The following DRC11 variants were observed in gnomAD, a reference collection of about 807,000 sequenced individuals.
DRC11 encodes the protein IQ and AAA domain-containing protein 1.
the DRC11 span, among the ~76,000 whole-genome samples, chr2:236,341,405 G>T: frequency 6.6e-6 from 1 of 152,244 alleles, no homozygotes; most frequent in Admixed American, 6.5e-5. Context: ...GGCGTCTGCA[G>T]GGGGCAGGGG....
At chr2:236,377,776 TA>T in the DRC11 span, among the ~76,000 whole-genome samples, 1 of 152,224 alleles carries the variant, frequency 6.6e-6, no homozygotes, top group African/African-American at 2.4e-5. This position sits in a 1 kb window ranked among gnomAD's most constrained non-coding sequence, Gnocchi z 4.9. Flanking sequence ...ACCACTTCTC[TA>T]AAAGGACCTT....
At chr2:236,388,479 C>T in the DRC11 span, among the ~76,000 whole-genome samples, 1 of 152,030 alleles carries the variant, frequency 6.6e-6, no homozygotes, top group South Asian at 2.1e-4. Flanking sequence ...CTGCACTCTT[C>T]ACGTAGTTCT....
At chr2:236,356,989 T>TA in the DRC11 span, among the ~76,000 whole-genome samples, 5 of 97,358 alleles carry the variant, frequency 5.1e-5, 1 homozygote, top group Admixed American at 4.5e-4. Flanking sequence ...ATATATTATA[T>TA]ATCTATATAT....
the DRC11 span, among the ~76,000 whole-genome samples, chr2:236,504,016 A>G: frequency 6.6e-6 from 1 of 152,182 alleles, no homozygotes. This position sits in a 1 kb window ranked among gnomAD's most constrained non-coding sequence, Gnocchi z 5.0. Flanking sequence ...GGTTTTCAGC[A>G]TAGTTGTGCA....
the DRC11 span, among the ~76,000 whole-genome samples, chr2:236,341,032 G>A: frequency 6.6e-6 from 1 of 152,132 alleles, no homozygotes; most frequent in Non-Finnish European, 1.5e-5. Context: ...CAAAACCGCC[G>A]CCCCTACCGC....
the DRC11 span, among the ~76,000 whole-genome samples, chr2:236,369,378 T>C: frequency 1.3e-5 from 2 of 152,110 alleles, no homozygotes; most frequent in Non-Finnish European, 2.9e-5. The surrounding 1 kb of genome is among the most constrained non-coding windows in gnomAD (Gnocchi z 4.5). Context: ...TGGGTATTGG[T>C]TGGGAGAATG....
At chr2:236,377,120 T>C in the DRC11 span, 15 of 1,608,606 alleles carry the variant, frequency 9.3e-6, no homozygotes, top group Non-Finnish European at 1.3e-5. This position sits in a 1 kb window ranked among gnomAD's most constrained non-coding sequence, Gnocchi z 4.9. Context: ...ATCAGAGAGG[T>C]TGACTTTCAG....
the DRC11 span, among the ~76,000 whole-genome samples, chr2:236,359,013 T>C: frequency 0.18 from 26,387 of 150,760 alleles, 2,495 homozygotes; most frequent in Non-Finnish European, 0.23. This position sits in a 1 kb window ranked among gnomAD's most constrained non-coding sequence, Gnocchi z 4.3. Context: ...CTTCTTCCTG[T>C]ATCCGCCTTG....
At chr2:236,398,532 C>T in the DRC11 span, among the ~76,000 whole-genome samples, 8 of 152,312 alleles carry the variant, frequency 5.3e-5, no homozygotes, top group Middle Eastern at 3.4e-3. The surrounding 1 kb of genome is among the most constrained non-coding windows in gnomAD (Gnocchi z 6.2). Context: ...ACTTCACATC[C>T]GGATTGCAAC....
chr2:236,340,648 G>A, the DRC11 span, among the ~76,000 whole-genome samples: 1 of 152,142 alleles, frequency 6.6e-6, no homozygotes, highest in Admixed American at 6.5e-5. Context: ...AATCCATGGG[G>A]GTAGAGACAC....
the DRC11 span, among the ~76,000 whole-genome samples, chr2:236,500,476 C>T: frequency 3.9e-5 from 6 of 152,198 alleles, no homozygotes; most frequent in Non-Finnish European, 7.3e-5. This position sits in a 1 kb window ranked among gnomAD's most constrained non-coding sequence, Gnocchi z 6.3. Context: ...CCCAACACCC[C>T]ACTGAGTCAG....
At chr2:236,501,370 T>C in the DRC11 span, among the ~76,000 whole-genome samples, 1 of 152,142 alleles carries the variant, frequency 6.6e-6, no homozygotes, top group Non-Finnish European at 1.5e-5. Context: ...CATTGACTCC[T>C]GGCAGAATTA....
chr2:236,484,898 G>A, the DRC11 span, among the ~76,000 whole-genome samples: 9 of 152,300 alleles, frequency 5.9e-5, no homozygotes, highest in East Asian at 3.9e-4. Flanking sequence ...CCCGACCTGC[G>A]TCGTGATCTG....
chr2:236,469,428 T>G, the DRC11 span, among the ~76,000 whole-genome samples: 1 of 152,106 alleles, frequency 6.6e-6, no homozygotes, highest in Non-Finnish European at 1.5e-5. The surrounding 1 kb of genome is among the most constrained non-coding windows in gnomAD (Gnocchi z 5.8). Context: ...CATCTGTTAT[T>G]TGAGGTAAGA....
At chr2:236,315,472 A>G in the DRC11 span, among the ~76,000 whole-genome samples, 1 of 152,218 alleles carries the variant, frequency 6.6e-6, no homozygotes, top group East Asian at 1.9e-4. The surrounding 1 kb of genome is among the most constrained non-coding windows in gnomAD (Gnocchi z 5.1). Flanking sequence ...AGAACTGGAA[A>G]TACCATTTGA....
the DRC11 span, among the ~76,000 whole-genome samples, chr2:236,467,223 C>T: frequency 1.3e-5 from 2 of 152,138 alleles, no homozygotes; most frequent in Admixed American, 6.5e-5. Flanking sequence ...TTCAACTCTT[C>T]AAGTTTTCTT....
the DRC11 span, chr2:236,380,528 G>A: frequency 1.4e-6 from 2 of 1,475,240 alleles, no homozygotes; most frequent in Non-Finnish European, 1.9e-6. This position sits in a 1 kb window ranked among gnomAD's most constrained non-coding sequence, Gnocchi z 4.9. Flanking sequence ...GTTCTCTGGG[G>A]CTGCTCACGC....
chr2:236,339,810 T>C, the DRC11 span, among the ~76,000 whole-genome samples: 1 of 152,258 alleles, frequency 6.6e-6, no homozygotes, highest in Non-Finnish European at 1.5e-5. Flanking sequence ...AGCTTTGTGG[T>C]AAGTTGGAAA....
the DRC11 span, among the ~76,000 whole-genome samples, chr2:236,460,665 C>G: frequency 6.6e-6 from 1 of 151,924 alleles, no homozygotes; most frequent in African/African-American, 2.4e-5. The surrounding 1 kb of genome is among the most constrained non-coding windows in gnomAD (Gnocchi z 4.0). Flanking sequence ...AAAAAGTAAC[C>G]CCACCACTCT....
Sources: gnomAD v4.1 joint callset for allele counts (sites outside exome capture counted in the v4.1 genomes callset) on GRCh38, gnomAD v4.1.1 for gene constraint, Gnocchi (gnomAD v3.1) non-coding constraint, MANE v1.5 for transcripts, NCBI Gene and HGNC (gene_info 2026-07-23, HGNC 2026-07-21) for gene names.